Variants in ZMYM1 observed in about 807,000 individuals in gnomAD.
ZMYM1 encodes the protein zinc finger MYM-type protein 1.
A neutral mutation model predicts 60.0 loss-of-function variants in ZMYM1; 39 were observed. That is an observed-to-expected ratio of 0.65 (90% CI 0.50 to 0.85). The LOEUF (loss-of-function observed/expected upper bound fraction) is 0.85. ZMYM1 is among the 40% of genes least tolerant of loss of function. The pLI, the probability that ZMYM1 is intolerant of heterozygous loss-of-function variation, is 0.00. For synonymous variants in ZMYM1, 413 were observed against 454.0 expected (o/e 0.91, Z 1.15); for missense variants, 1,171 against 1,309.5 (o/e 0.89, Z 1.63).
intron 1 of ZMYM1, among the ~76,000 whole-genome samples, chr1:35,088,116 G>T (rs1391634579): frequency 1.3e-5 from 2 of 151,300 alleles, no homozygotes; most frequent in Non-Finnish European, 3.0e-5. Flanking sequence ...TTCTCTCTTT[G>T]GTTTAAATTA....
At chr1:35,116,093 A>G (rs1378617428), downstream of ZMYM1, among the ~76,000 whole-genome samples, 2 of 151,984 alleles carry the variant, frequency 1.3e-5, no homozygotes, top group Non-Finnish European at 2.9e-5. Context: ...AAATTAGTGA[A>G]GTGTGGTACT....
rs754315905 is a variant in ZMYM1 at position 35,113,121 on chromosome 1, A to G, written c.1291A>G (p.Met431Val). ...AGTACAAAAAGACAATATGAAATCT[A>G]TGAAAATAAGTGATGAACTATGTCA... Reference protein sequence around the residue: ...TEVQKDNMKSMKISDELCHPK... With the variant: ...TEVQKDNMKSVKISDELCHPK... The change falls in exon 10 of 10, where the codon ATG (methionine) becomes GTG (valine). Residue 431 changes from methionine (M) to valine (V), a missense_variant. Coordinates refer to ENST00000359858, the MANE Select transcript of ZMYM1 (RefSeq NM_024772.5). 16 of 1,613,966 alleles carry G rather than the reference A, an allele frequency of 9.9e-6. No homozygotes were observed. Among genetic ancestry groups the G allele is most frequent in the African/African-American group, 8.0e-5 (6 of 74,930 alleles).
At chr1:35,077,665 C>T (rs1642190443), upstream of ZMYM1, among the ~76,000 whole-genome samples, 4 of 152,058 alleles carry the variant, frequency 2.6e-5, no homozygotes, top group Admixed American at 6.6e-5. Context: ...ACTAACTCAG[C>T]GCATGAGGAC....
intron 9 of ZMYM1, 115 bp from the exon 10 acceptor site, chr1:35,112,860 TGG>T: frequency 1.1e-6 from 1 of 881,704 alleles, no homozygotes; most frequent in Non-Finnish European, 1.6e-6. Flanking sequence ...TTCCCCCTAG[TGG>T]AGCTCATACT....
chr1:35,073,703 G>GAGGA (rs904939569), intron 1 of ZMYM1, among the ~76,000 whole-genome samples: 3 of 148,616 alleles, frequency 2.0e-5, no homozygotes, highest in African/African-American at 4.9e-5. Context: ...AGGAGGGAGG[G>GAGGA]AGGAAGGAAG....
chr1:35,105,969 C>T (rs1234512791), intron 6 of ZMYM1, among the ~76,000 whole-genome samples: 2 of 152,094 alleles, frequency 1.3e-5, no homozygotes, highest in African/African-American at 4.8e-5. Flanking sequence ...AAGAATGTCA[C>T]ATGTGGACAG....
chr1:35,098,141 T>C (rs1643439457), intron 4 of ZMYM1, among the ~76,000 whole-genome samples: 1 of 152,210 alleles, frequency 6.6e-6, no homozygotes, highest in Non-Finnish European at 1.5e-5. Context: ...TCCATTCTGT[T>C]CTATTTAACT....
intron 1 of ZMYM1, among the ~76,000 whole-genome samples, chr1:35,088,465 T>G (rs1392000545): frequency 2.9e-5 from 4 of 139,102 alleles, no homozygotes; most frequent in African/African-American, 8.1e-5. Flanking sequence ...TGTGTGTGTG[T>G]GTGTGTGTGT....
chr1:35,116,542 C>G (rs1644250425), downstream of ZMYM1, among the ~76,000 whole-genome samples: 2 of 152,332 alleles, frequency 1.3e-5, no homozygotes, highest in South Asian at 4.1e-4. Context: ...ACTGCAACCT[C>G]CGCCTCCCAG....
intron 1 of ZMYM1, among the ~76,000 whole-genome samples, chr1:35,092,308 C>T (rs1051857688): frequency 9.2e-5 from 14 of 152,030 alleles, no homozygotes; most frequent in African/African-American, 3.4e-4. Context: ...TCTCAGTTCA[C>T]TGCAGCCTCC....
At chr1:35,072,702 C>G (rs1642088637) in intron 1 of ZMYM1, among the ~76,000 whole-genome samples, 1 of 151,834 alleles carries the variant, frequency 6.6e-6, no homozygotes, top group Non-Finnish European at 1.5e-5. Context: ...AATCCCAGCT[C>G]TTTGGGAGGC....
intron 6 of ZMYM1, among the ~76,000 whole-genome samples, chr1:35,109,167 G>A (rs536270583): frequency 5.3e-5 from 8 of 151,696 alleles, no homozygotes; most frequent in African/African-American, 1.5e-4. Context: ...GACTACAGGC[G>A]CACGCCACCA....
intron 1 of ZMYM1, among the ~76,000 whole-genome samples, chr1:35,082,255 G>A (rs1019906431): frequency 3.4e-5 from 5 of 148,418 alleles, no homozygotes; most frequent in Admixed American, 2.7e-4. Context: ...TTTCTTTTGC[G>A]GGGGGTGAGT....
At chr1:35,084,895 C>T (rs1378965964) in intron 1 of ZMYM1, among the ~76,000 whole-genome samples, 1 of 151,944 alleles carries the variant, frequency 6.6e-6, no homozygotes, top group East Asian at 1.9e-4. Context: ...TAACTGTCTC[C>T]TGCTGTTTTC....
intron 1 of ZMYM1, among the ~76,000 whole-genome samples, chr1:35,060,455 C>A (rs764643590): frequency 6.6e-6 from 1 of 151,954 alleles, no homozygotes; most frequent in Non-Finnish European, 1.5e-5. Flanking sequence ...CCACCGCGCC[C>A]GGCTGGAAAA....
At chr1:35,112,928 A>G (rs1644144947) in intron 9 of ZMYM1, 49 bp from the exon 10 acceptor site, 1 of 1,418,008 alleles carries the variant, frequency 7.1e-7, no homozygotes, top group African/African-American at 1.5e-5. Context: ...TGATATTTTA[A>G]TTAATTTTTG....
At position 35,104,367 on chromosome 1, in the gene ZMYM1, C is replaced by G; in HGVS notation, c.492C>G (p.Ser164Arg). ...CTACCTCTTGCAAAACTTTTTGCAGCCTATCTTGTCTTTCATCATATGAAG... is the reference window on the plus strand; with the variant it reads ...CTACCTCTTGCAAAACTTTTTGCAGGCTATCTTGTCTTTCATCATATGAAG... ...EDTTSCKTFC[S>R]LSCLSSYEEK... The change falls in exon 5 of 10, where the codon AGC becomes AGG. Residue 164 changes from serine to arginine, a missense_variant. Transcript: ENST00000359858. The G allele has an allele frequency of 1.2e-6, 2 of 1,612,410 alleles. No homozygotes were observed. The highest frequency in any genetic ancestry group is 1.7e-6 in the Non-Finnish European group (2 of 1,179,536).
rs12059040 is a variant in ZMYM1 at position 35,104,007 on chromosome 1, G to C, written c.420-288G>C. Reference sequence around the variant, plus strand: ...TCCTAGCTATGTGGGAGATTGAGGTGGGAGAATCTCTTGAGCCCAGGAATT... The same window carrying C: ...TCCTAGCTATGTGGGAGATTGAGGTCGGAGAATCTCTTGAGCCCAGGAATT... On this transcript the variant is annotated intron_variant, in intron 4 of 9. Coordinates refer to ENST00000359858, the MANE Select transcript of ZMYM1 (RefSeq NM_024772.5). 4.9e-3 allele frequency among the ~76,000 whole-genome samples: 740 copies of C among 152,220 alleles called. 7 individuals are homozygous for C. Among genetic ancestry groups the C allele is most frequent in the African/African-American group, 0.017 (708 of 41,538 alleles).
intron 1 of ZMYM1, among the ~76,000 whole-genome samples, chr1:35,074,143 G>A (rs1642124348): frequency 6.6e-6 from 1 of 152,084 alleles, no homozygotes; most frequent in East Asian, 1.9e-4. Context: ...TGGTCATTCA[G>A]GATCATCTTG....
Sources: allele counts gnomAD v4.1 joint callset (sites outside exome capture counted in the v4.1 genomes callset), GRCh38; gene constraint gnomAD v4.1.1; transcripts MANE v1.5; gene names NCBI Gene and HGNC (gene_info 2026-07-23, HGNC 2026-07-21).